The following CNTLN variants were observed in gnomAD, a reference collection of about 807,000 sequenced individuals.
The protein encoded by CNTLN is centlein.
A neutral mutation model predicts 180.0 loss-of-function variants in CNTLN; 212 were observed. The ratio of observed to expected loss-of-function variants is 1.18; its 90% CI spans 1.05 to 1.32. The LOEUF is 1.32. Ranked by LOEUF, CNTLN falls within the 40% of genes most tolerant of loss-of-function variation. The pLI is 0.00. For synonymous variants in CNTLN, 722 were observed against 563.1 expected (o/e 1.28, Z -3.99); for missense variants, 2,095 against 1,610.9 (o/e 1.30, Z -5.14).
chr9:17,524,098 G>T, the CNTLN span, among the ~76,000 whole-genome samples: 1 of 152,206 alleles, frequency 6.6e-6, no homozygotes, highest in African/African-American at 2.4e-5. Context: ...GTATATACCA[G>T]TTAATGGTAA....
In CNTLN at chr9:17,394,831, A is replaced by C; in HGVS notation, c.2377A>C (p.Asn793His). ...GAGAAATGAAAATGAAGAGCTGATCAACCCAATGGAGAAATCACACCAGTC... is the reference window on the plus strand; with the variant it reads ...GAGAAATGAAAATGAAGAGCTGATCCACCCAATGGAGAAATCACACCAGTC... ...ALRNENEELI[N>H]PMEKSHQSAD... The change falls in exon 15 of 26, where the codon AAC becomes CAC. Residue 793 changes from asparagine (N) to histidine (H), a missense_variant. Physicochemically the swap from Asn to His is moderately conservative, Grantham distance 68. Transcript: ENST00000380647. 2 of 1,614,012 alleles carry C rather than the reference A, an allele frequency of 1.2e-6. No homozygotes were observed. Among genetic ancestry groups the C allele is most frequent in the Non-Finnish European group, 1.7e-6 (2 of 1,179,968 alleles).
chr9:17,340,293 C>A (rs1207306734), intron 10 of CNTLN, among the ~76,000 whole-genome samples: 1 of 152,170 alleles, frequency 6.6e-6, no homozygotes, highest in African/African-American at 2.4e-5. Context: ...CTTCATGGTA[C>A]AACCCCAGAA....
At chr9:17,304,104 G>A (rs1818548453) in intron 7 of CNTLN, among the ~76,000 whole-genome samples, 1 of 152,040 alleles carries the variant, frequency 6.6e-6, no homozygotes, top group Non-Finnish European at 1.5e-5. Flanking sequence ...GTTGTCCCAG[G>A]TGGTAGGATG....
intron 18 of CNTLN, among the ~76,000 whole-genome samples, chr9:17,423,330 G>C (rs1159351114): frequency 6.6e-6 from 1 of 152,160 alleles, no homozygotes; most frequent in Non-Finnish European, 1.5e-5. Context: ...TTCTGGCCCA[G>C]GGTGGGTCTA....
intron 8 of CNTLN, among the ~76,000 whole-genome samples, chr9:17,315,925 C>T (rs891832313): frequency 3.3e-5 from 5 of 149,258 alleles, no homozygotes; most frequent in Non-Finnish European, 7.4e-5. Context: ...TTTTTCCAAC[C>T]ATACTTGTAG....
At chr9:17,256,899 C>T (rs1346352867) in intron 5 of CNTLN, among the ~76,000 whole-genome samples, 1 of 151,736 alleles carries the variant, frequency 6.6e-6, no homozygotes, top group African/African-American at 2.4e-5. Flanking sequence ...ATGAATGATT[C>T]CATTTTGGTT....
In CNTLN at chr9:17,135,319, G is replaced by A; in HGVS notation, c.254G>A (p.Gly85Glu). 1.2e-6 allele frequency: 2 copies of A among 1,602,550 alleles called. No homozygotes were observed. Among genetic ancestry groups the A allele is most frequent in the East Asian group, 2.2e-5 (1 of 44,450 alleles). The change falls in exon 1 of 26, where the codon GGG becomes GAG. Residue 85 changes from glycine to glutamate, a missense_variant. Coordinates refer to ENST00000380647, the MANE Select transcript of CNTLN (RefSeq NM_017738.4). ...AHAPLLSAPM[G>E]SRRLEGISVE... is the part of the protein sequence containing the mutation. ...GCTCCCCTCCTCAGCGCGCCCATGG[G>A]GTCCAGACGGCTAGAGGGCATCTCG... is the stretch of plus-strand genomic sequence containing the variant.
intron 5 of CNTLN, among the ~76,000 whole-genome samples, chr9:17,241,518 A>T (rs1347764034): frequency 6.6e-6 from 1 of 152,122 alleles, no homozygotes; most frequent in Non-Finnish European, 1.5e-5. Context: ...CTTTTTGCTC[A>T]GGATAGCTTT....
At chr9:17,337,498 AATATTGAACATTTT>A (rs1442812989) in intron 10 of CNTLN, among the ~76,000 whole-genome samples, 242 of 152,298 alleles carry the variant, frequency 1.6e-3, no homozygotes, top group African/African-American at 5.5e-3. Flanking sequence ...ATTATTTGGT[AATATTGAACATTTT>A]ACACTAAAGC....
At chr9:17,523,238 A>G in the CNTLN span, among the ~76,000 whole-genome samples, 2 of 151,978 alleles carry the variant, frequency 1.3e-5, no homozygotes, top group Admixed American at 6.6e-5. Flanking sequence ...GGACTTATAC[A>G]TACGTTTTTT....
intron 13 of CNTLN, among the ~76,000 whole-genome samples, chr9:17,369,225 C>G (rs1178075449): frequency 6.6e-6 from 1 of 152,092 alleles, no homozygotes; most frequent in Non-Finnish European, 1.5e-5. Flanking sequence ...CTTCTCCTTC[C>G]TGCTGCCTTG....
In CNTLN at chr9:17,416,197, G is replaced by A; in HGVS notation, c.3114+8G>A. 6.2e-7 allele frequency: 1 copy of A among 1,600,494 alleles called. No homozygotes were observed. Among genetic ancestry groups the A allele is most frequent in the Non-Finnish European group, 8.5e-7 (1 of 1,170,292 alleles). ...AGCAGGCAGACAATAAAGGTAAAGA[G>A]AACTTTAAGATTGAACAGTAGTATA... On this transcript the variant is annotated splice_region_variant and intron_variant, in intron 18 of 25. Coordinates refer to ENST00000380647, the MANE Select transcript of CNTLN (RefSeq NM_017738.4).
intron 15 of CNTLN, among the ~76,000 whole-genome samples, chr9:17,402,615 C>T (rs1461566699): frequency 1.3e-5 from 2 of 151,822 alleles, no homozygotes; most frequent in African/African-American, 2.4e-5. Context: ...AGATAAACCT[C>T]ATTTAGTCTG....
intron 12 of CNTLN, among the ~76,000 whole-genome samples, chr9:17,353,858 A>G (rs375782028): frequency 6.6e-6 from 1 of 151,858 alleles, no homozygotes; most frequent in African/African-American, 2.4e-5. Context: ...CCTTCAGCCC[A>G]CCACTGCACT....
At chr9:17,347,198 T>C (rs1254552917) in intron 12 of CNTLN, among the ~76,000 whole-genome samples, 1 of 152,220 alleles carries the variant, frequency 6.6e-6, no homozygotes, top group Non-Finnish European at 1.5e-5. Flanking sequence ...CGACATGTGT[T>C]ATATCATGGT....
chr9:17,476,268 T>G (rs1014608897), intron 23 of CNTLN, among the ~76,000 whole-genome samples: 2 of 152,154 alleles, frequency 1.3e-5, no homozygotes, highest in Non-Finnish European at 2.9e-5. Flanking sequence ...AACTGTCTTT[T>G]CCCCCATCTC....
intron 2 of CNTLN, among the ~76,000 whole-genome samples, chr9:17,153,753 C>T (rs1361794145): frequency 6.6e-6 from 1 of 152,136 alleles, no homozygotes; most frequent in East Asian, 1.9e-4. Flanking sequence ...GAGTGTTTTC[C>T]AACTCGGTTC....
chr9:17,527,441 T>A, the CNTLN span, among the ~76,000 whole-genome samples: 1 of 152,180 alleles, frequency 6.6e-6, no homozygotes, highest in African/African-American at 2.4e-5. Flanking sequence ...TGTGCTCTAG[T>A]TGATAAAGTT....
chr9:17,281,593 A>G (rs1296469264), intron 6 of CNTLN, among the ~76,000 whole-genome samples: 1 of 152,020 alleles, frequency 6.6e-6, no homozygotes, highest in Non-Finnish European at 1.5e-5. Flanking sequence ...AGCTCCATCC[A>G]TGTCCCTGCA....
Sources: gnomAD v4.1 joint callset for allele counts (sites outside exome capture counted in the v4.1 genomes callset) on GRCh38, gnomAD v4.1.1 for gene constraint, MANE v1.5 for transcripts, NCBI Gene and HGNC (gene_info 2026-07-23, HGNC 2026-07-21) for gene names.